TUBGCP3: variants seen among roughly 807,000 people sequenced by gnomAD.
The protein encoded by TUBGCP3 is tubulin gamma complex component 3.
Under a neutral mutation model 123.1 loss-of-function variants are expected in TUBGCP3, and 50 were observed. That is an observed-to-expected ratio of 0.41 (90% confidence interval 0.32 to 0.51). The LOEUF (loss-of-function observed/expected upper bound fraction) is 0.51. TUBGCP3 is among the 20% of genes least tolerant of loss of function. The pLI is 0.36. For missense variants in TUBGCP3, 882 were observed against 1,127.0 expected (o/e 0.78, Z 3.11); for synonymous variants, 405 against 413.9 (o/e 0.98, Z 0.26).
Position 112,524,132 on chromosome 13 carries a change from C to G in TUBGCP3, c.1556-1623G>C, listed in dbSNP as rs549252552. Among the ~76,000 whole-genome samples the G allele has an allele frequency of 6.6e-6, 1 of 152,314 alleles. No individual in the cohort carries two copies. The highest frequency in any genetic ancestry group is 1.5e-5 in the Non-Finnish European group (1 of 68,034). ...CCAAAATTCCCTGATGCTCAAGTCT[C>G]TTCTACAAAATGAAGCAATATTTGC... On this transcript the variant is annotated intron_variant, in intron 13 of 21. Transcript: ENST00000261965. The surrounding 1 kb of genome is among the most constrained non-coding windows in gnomAD (Gnocchi z 4.4).
chr13:112,558,087 G>C (rs550026158), intron 5 of TUBGCP3, 109 bp downstream of exon 5: 11 of 1,227,312 alleles, frequency 9.0e-6, no homozygotes, highest in Non-Finnish European at 1.2e-5. Context: ...TGTCTGGCAC[G>C]TATGAGGCCC....
the TUBGCP3 span, among the ~76,000 whole-genome samples, chr13:112,596,505 C>G: frequency 5.9e-3 from 902 of 152,270 alleles, 7 homozygotes; most frequent in African/African-American, 0.02. Context: ...TGTTATTTCT[C>G]TCTGGCTGTT....
At chr13:112,518,852 A>T (rs1876379939) in intron 16 of TUBGCP3, 123 bp downstream of exon 16, 3 of 780,708 alleles carry the variant, frequency 3.8e-6, no homozygotes, top group Admixed American at 2.2e-5. Context: ...TTCAATGAGT[A>T]GATCTTAGAT....
In TUBGCP3 at chr13:112,545,177, T is replaced by C. The variant is rs1328625256; in HGVS notation, c.1335+522A>G. 1 of 154,082 alleles carries C rather than the reference T, an allele frequency of 6.5e-6. No individual in the cohort carries two copies. The highest frequency in any genetic ancestry group is 2.4e-5 in the African/African-American group (1 of 41,488). 9.5% of individuals were successfully genotyped at this position (154,082 alleles called of 1,614,324 possible). On this transcript the variant is annotated intron_variant, in intron 11 of 21. Coordinates refer to ENST00000261965, the MANE Select transcript of TUBGCP3 (RefSeq NM_006322.6). This position sits in a 1 kb window ranked among gnomAD's most constrained non-coding sequence, Gnocchi z 4.1. Reference sequence around the variant, plus strand: ...CTGTCTTACTGACAAAGGTTTTGAGTGTGGTGCCCCTCACCCTACCTTCCA... The same window carrying C: ...CTGTCTTACTGACAAAGGTTTTGAGCGTGGTGCCCCTCACCCTACCTTCCA...
rs1378355921 is a variant in TUBGCP3, at chr13:112,558,279, G to A, written c.465C>T (p.Gly155=). The part of the protein sequence containing the change: ...DRSAQSAQSS[G]SVGSSGISSI... Reference sequence around the variant, plus strand: ...TGCTGATGCCACTGCTGCCCACGCTGCCGGAGCTCTGGGCTGACTGGGCAC... The same window carrying A: ...TGCTGATGCCACTGCTGCCCACGCTACCGGAGCTCTGGGCTGACTGGGCAC... The change falls in exon 5 of 22, where the codon GGC becomes GGT. Residue 155 remains glycine, a synonymous_variant. Coordinates refer to ENST00000261965, the MANE Select transcript of TUBGCP3 (RefSeq NM_006322.6). 1 of 1,613,126 alleles carries A rather than the reference G, an allele frequency of 6.2e-7. No homozygotes were observed.
At chr13:112,586,878 G>A (rs1228952178) in intron 1 of TUBGCP3, among the ~76,000 whole-genome samples, 1 of 152,154 alleles carries the variant, frequency 6.6e-6, no homozygotes, top group Non-Finnish European at 1.5e-5. Context: ...GATGCAGCAA[G>A]AACTGTGTGA....
Position 112,547,601 on chromosome 13 carries a change from G to C in TUBGCP3, c.1168+19C>G, listed in dbSNP as rs373513578. 2.6e-5 allele frequency: 39 copies of C among 1,481,620 alleles called. No individual in the cohort carries two copies. The Admixed American group carries it at 8.5e-4, about 32-fold the overall frequency. The allele number at this position is 1,481,620 out of a possible 1,614,324, so 91.8% of individuals were successfully genotyped here. A position where few individuals can be genotyped will look rare whatever the true frequency, so the allele number is the denominator to read the frequency against. On this transcript the variant is annotated intron_variant, in intron 10 of 21. Coordinates refer to ENST00000261965, the MANE Select transcript of TUBGCP3 (RefSeq NM_006322.6). Reference sequence around the variant, plus strand: ...GTCGCGCGTGGGAAAGACGTGCGTGGGAAAGACGCGCGTGGGACCTTGGCA... The same window carrying C: ...GTCGCGCGTGGGAAAGACGTGCGTGCGAAAGACGCGCGTGGGACCTTGGCA...
intron 20 of TUBGCP3, among the ~76,000 whole-genome samples, chr13:112,494,502 A>C (rs1880391343): frequency 6.6e-6 from 1 of 152,234 alleles, no homozygotes; most frequent in African/African-American, 2.4e-5. Flanking sequence ...TCTCAGCACC[A>C]CAGGCCACGG....
Position 112,545,690 on chromosome 13 carries a change from G to A in TUBGCP3, c.1335+9C>T, listed in dbSNP as rs775360414. On this transcript the variant is annotated intron_variant, in intron 11 of 21. Coordinates refer to ENST00000261965, the MANE Select transcript of TUBGCP3 (RefSeq NM_006322.6). The surrounding 1 kb of genome is among the most constrained non-coding windows in gnomAD (Gnocchi z 4.1). ...AATCCAAGTCTCAGAACCGAACACC[G>A]ATCCTTACTTCGTGGTAAGTGTCCT... The A allele has an allele frequency of 6.8e-6, 11 of 1,609,126 alleles. No homozygotes were observed. The South Asian group carries it at 7.7e-5, about 11-fold the overall frequency.
chr13:112,486,896 C>A (rs1180102790), intron 21 of TUBGCP3, among the ~76,000 whole-genome samples: 3 of 152,342 alleles, frequency 2.0e-5, no homozygotes, highest in African/African-American at 7.2e-5. Context: ...TGAGGCACTG[C>A]GTCCTCACCA....
intron 1 of TUBGCP3, among the ~76,000 whole-genome samples, chr13:112,579,890 T>C (rs575817668): frequency 6.6e-6 from 1 of 152,374 alleles, no homozygotes; most frequent in East Asian, 1.9e-4. Flanking sequence ...TCCATGAATG[T>C]TCATAGCAGC....
intron 1 of TUBGCP3, among the ~76,000 whole-genome samples, chr13:112,585,788 T>A (rs1019533773): frequency 7.9e-5 from 12 of 151,644 alleles, no homozygotes; most frequent in Admixed American, 2.0e-4. Context: ...ATAAATAAAT[T>A]ATTTATTCAG....
chr13:112,518,143 C>G (rs1461653971), intron 16 of TUBGCP3, among the ~76,000 whole-genome samples: 1 of 152,102 alleles, frequency 6.6e-6, no homozygotes, highest in African/African-American at 2.4e-5. Flanking sequence ...AGGAGAGACA[C>G]ACTTACCAGT....
chr13:112,523,711 G>T (rs1594140865), intron 13 of TUBGCP3, among the ~76,000 whole-genome samples: 1 of 152,268 alleles, frequency 6.6e-6, no homozygotes, highest in East Asian at 1.9e-4. Flanking sequence ...TTAGCCCAAA[G>T]CAGCCTATGA....
chr13:112,486,196 A>G (rs771714915), intron 21 of TUBGCP3, 45 bp from the exon 22 acceptor site: 7 of 1,607,054 alleles, frequency 4.4e-6, no homozygotes, highest in East Asian at 2.2e-5. Context: ...AGAAAAGAAC[A>G]ACCCACAAAC....
chr13:112,497,375 A>C (rs1048062111), intron 20 of TUBGCP3, among the ~76,000 whole-genome samples: 6 of 152,220 alleles, frequency 3.9e-5, no homozygotes, highest in Non-Finnish European at 5.9e-5. Context: ...ATTCGCTTTG[A>C]ATGATGAGAG....
chr13:112,504,238 C>A (rs1881125332), intron 18 of TUBGCP3, 75 bp from the exon 19 acceptor site: 1 of 1,591,916 alleles, frequency 6.3e-7, no homozygotes, highest in African/African-American at 1.3e-5. Context: ...AAAATATATA[C>A]CACCTATGGG....
intron 8 of TUBGCP3, among the ~76,000 whole-genome samples, chr13:112,551,556 A>G (rs955593319): frequency 5.3e-5 from 8 of 152,208 alleles, no homozygotes; most frequent in Non-Finnish European, 7.3e-5. Flanking sequence ...GGCACCAAGC[A>G]ATGACTCCAA....
intron 11 of TUBGCP3, among the ~76,000 whole-genome samples, chr13:112,544,260 T>C (rs1406611886): frequency 1.1e-4 from 16 of 152,166 alleles, no homozygotes; most frequent in Middle Eastern, 3.4e-3. Context: ...GAGACCATCC[T>C]GGCTAACACA....
Sources: gnomAD v4.1 joint callset for allele counts (sites outside exome capture counted in the v4.1 genomes callset) on GRCh38, gnomAD v4.1.1 for gene constraint, Gnocchi (gnomAD v3.1) non-coding constraint, MANE v1.5 for transcripts, NCBI Gene and HGNC (gene_info 2026-07-23, HGNC 2026-07-21) for gene names.